The following SORCS1 variants were observed in gnomAD, a reference collection of about 807,000 sequenced individuals.
SORCS1 encodes sortilin related VPS10 domain containing receptor 1, also known as VPS10 domain-containing receptor SorCS1.
A neutral mutation model predicts 146.1 loss-of-function variants in SORCS1; 60 were observed. The ratio of observed to expected loss-of-function variants is 0.41; its 90% CI spans 0.33 to 0.51. The LOEUF is 0.51. Ranked by LOEUF, SORCS1 falls within the 20% of genes least tolerant of loss-of-function variation. The probability of loss-of-function intolerance (pLI) is 0.21; values close to 1 mark genes in which losing one functional copy is unlikely to be tolerated. For synonymous variants in SORCS1, 637 were observed against 584.0 expected (o/e 1.09, Z -1.31); for missense variants, 1,352 against 1,487.6 (o/e 0.91, Z 1.50).
At chr10:106,691,551 G>C (rs1305157918) in intron 9 of SORCS1, among the ~76,000 whole-genome samples, 1 of 152,098 alleles carries the variant, frequency 6.6e-6, no homozygotes, top group Non-Finnish European at 1.5e-5. Context: ...CAAACCTTAA[G>C]CCTAACACAA....
intron 3 of SORCS1, among the ~76,000 whole-genome samples, chr10:106,791,015 T>A (rs1267731040): frequency 1.3e-5 from 2 of 152,238 alleles, no homozygotes; most frequent in Non-Finnish European, 2.9e-5. Flanking sequence ...ACTGACACTT[T>A]GATATTTGTT....
chr10:106,590,175 G>A (rs1050731742), intron 24 of SORCS1, among the ~76,000 whole-genome samples: 1 of 151,926 alleles, frequency 6.6e-6, no homozygotes, highest in Non-Finnish European at 1.5e-5. Flanking sequence ...TGTGCAACCT[G>A]GCCTCTCAAC....
chr10:107,169,492 C>G (rs1222868063), upstream of SORCS1, among the ~76,000 whole-genome samples: 1 of 152,136 alleles, frequency 6.6e-6, no homozygotes, highest in African/African-American at 2.4e-5. Context: ...CATAAGCCCT[C>G]TTATCTTTAA....
intron 2 of SORCS1, among the ~76,000 whole-genome samples, chr10:106,893,475 C>T (rs1453286186): frequency 2.0e-5 from 3 of 151,990 alleles, no homozygotes; most frequent in Non-Finnish European, 2.9e-5. Context: ...ATTATCTGCA[C>T]CTAGCACAAT....
intron 18 of SORCS1, among the ~76,000 whole-genome samples, chr10:106,637,859 T>C (rs1589534447): frequency 6.6e-6 from 1 of 152,304 alleles, no homozygotes; most frequent in Non-Finnish European, 1.5e-5. Context: ...CACAAAGTGG[T>C]TTGGTCCTTC....
intron 1 of SORCS1, among the ~76,000 whole-genome samples, chr10:107,093,678 C>A (rs376678297): frequency 2.0e-3 from 265 of 132,218 alleles, no homozygotes; most frequent in South Asian, 2.0e-3. Context: ...GACTCAGTCT[C>A]AAAAAAAAAA....
chr10:106,759,611 T>C (rs112442273), intron 5 of SORCS1, among the ~76,000 whole-genome samples: 74 of 152,322 alleles, frequency 4.9e-4, no homozygotes, highest in African/African-American at 1.7e-3. Flanking sequence ...AGTTAACTTC[T>C]GATATTTTTC....
chr10:106,640,142 T>C (rs1210135302), intron 18 of SORCS1, among the ~76,000 whole-genome samples: 2 of 152,214 alleles, frequency 1.3e-5, no homozygotes, highest in Non-Finnish European at 2.9e-5. Context: ...AATTGTGTCA[T>C]GAATTCAGAC....
chr10:106,679,802 G>T, intron 10 of SORCS1, 68 bp from the exon 11 acceptor site: 1 of 1,245,640 alleles, frequency 8.0e-7, no homozygotes, highest in Admixed American at 2.0e-5. Flanking sequence ...CTCAGAATCA[G>T]ATCATCCATC....
At chr10:107,099,346 C>T (rs1336978) in intron 1 of SORCS1, among the ~76,000 whole-genome samples, 93,785 of 151,942 alleles carry the variant, frequency 0.62, 31,696 homozygotes, top group African/African-American at 0.89. Flanking sequence ...ACAAGAAGTC[C>T]ACATGTCCAT....
chr10:107,016,712 C>A (rs1382335166), intron 1 of SORCS1, among the ~76,000 whole-genome samples: 1 of 152,044 alleles, frequency 6.6e-6, no homozygotes, highest in Admixed American at 6.6e-5. Flanking sequence ...CTACCCAACA[C>A]AAGAAACCAC....
At chr10:106,773,663 AC>A (rs1860196835) in intron 4 of SORCS1, among the ~76,000 whole-genome samples, 1 of 152,060 alleles carries the variant, frequency 6.6e-6, no homozygotes, top group South Asian at 2.1e-4. Flanking sequence ...AAAAACGAGA[AC>A]CCTGGCTGGG....
rs943247370 is a variant in SORCS1 at position 106,675,295 on chromosome 10, T to C, written c.1833-139A>G. The C allele has an allele frequency of 4.1e-5, 25 of 611,766 alleles. 1 individual carries two copies. In the East Asian group the frequency reaches 7.0e-4, roughly 17 times the overall value. 37.9% of individuals were successfully genotyped at this position (611,766 alleles called of 1,614,324 possible). A position where few individuals can be genotyped will look rare whatever the true frequency, so the allele number is the denominator to read the frequency against. On this transcript the variant is annotated intron_variant, in intron 13 of 25. Transcript: ENST00000263054. ...TGTCAAAATGAGCCTTTCATATGAA[T>C]AAGTATTCTTAATTATATCAGAAAG...
At chr10:106,762,612 T>C (rs1416361803) in intron 4 of SORCS1, among the ~76,000 whole-genome samples, 4 of 151,806 alleles carry the variant, frequency 2.6e-5, no homozygotes, top group African/African-American at 9.7e-5. Context: ...TTAGTCAGGA[T>C]GGTCTCGATC....
the SORCS1 span, among the ~76,000 whole-genome samples, chr10:107,170,309 C>A: frequency 6.6e-6 from 1 of 152,156 alleles, no homozygotes; most frequent in Non-Finnish European, 1.5e-5. Context: ...GAAAAATAAA[C>A]TCAGTTTATT....
intron 2 of SORCS1, among the ~76,000 whole-genome samples, chr10:106,874,035 T>C (rs111483933): frequency 4.6e-5 from 7 of 152,330 alleles, no homozygotes; most frequent in African/African-American, 1.7e-4. Flanking sequence ...TTACTACTAA[T>C]CAACCTGATT....
intron 2 of SORCS1, among the ~76,000 whole-genome samples, chr10:106,939,465 A>G (rs1953922106): frequency 6.6e-6 from 1 of 152,224 alleles, no homozygotes; most frequent in Non-Finnish European, 1.5e-5. Context: ...TTCCTTTCAA[A>G]AGTCTTTTTA....
chr10:107,132,945 T>C (rs530204033), intron 1 of SORCS1, among the ~76,000 whole-genome samples: 94 of 152,334 alleles, frequency 6.2e-4, no homozygotes, highest in African/African-American at 2.1e-3. Context: ...ATCACACTTT[T>C]GGAAGAGTCA....
At chr10:107,139,602 A>G (rs984249658) in intron 1 of SORCS1, among the ~76,000 whole-genome samples, 1 of 151,012 alleles carries the variant, frequency 6.6e-6, no homozygotes, top group African/African-American at 2.5e-5. Context: ...CCTGACACAT[A>G]TACACAATCA....
Sources: allele counts gnomAD v4.1 joint callset (sites outside exome capture counted in the v4.1 genomes callset), GRCh38; gene constraint gnomAD v4.1.1; transcripts MANE v1.5; gene names NCBI Gene and HGNC (gene_info 2026-07-23, HGNC 2026-07-21).